TENM3: variants seen among roughly 807,000 people sequenced by gnomAD.
TENM3 encodes teneurin transmembrane protein 3, also known as teneurin-3.
Under a neutral mutation model 255.1 loss-of-function variants are expected in TENM3, and 63 were observed. That is an observed-to-expected ratio of 0.25 (90% CI 0.20 to 0.30). The LOEUF (loss-of-function observed/expected upper bound fraction) is 0.30. Among genes scored for constraint, TENM3 ranks in the 10% least tolerant of loss-of-function variants. The probability of loss-of-function intolerance (pLI) is 1.00; values close to 1 mark genes in which losing one functional copy is unlikely to be tolerated. For missense variants in TENM3, 2,929 were observed against 3,461.1 expected (o/e 0.85, Z 3.86); for synonymous variants, 1,306 against 1,322.3 (o/e 0.99, Z 0.27).
the TENM3 span, among the ~76,000 whole-genome samples, chr4:181,864,077 G>A: frequency 1.7e-4 from 26 of 152,230 alleles, no homozygotes; most frequent in African/African-American, 4.1e-4. Context: ...GTAATCAAAC[G>A]TCTTAGTGGA....
chr4:181,448,414 G>T, the TENM3 span, among the ~76,000 whole-genome samples: 6 of 151,610 alleles, frequency 4.0e-5, no homozygotes, highest in African/African-American at 7.3e-5. Context: ...CTCGTGATCC[G>T]CCCGCCTCGG....
At chr4:182,576,296 G>T (rs767397430) in intron 3 of TENM3, among the ~76,000 whole-genome samples, 6 of 152,158 alleles carry the variant, frequency 3.9e-5, no homozygotes, top group Non-Finnish European at 8.8e-5. Flanking sequence ...ATTTGTGTGA[G>T]AGACACACAT....
At position 182,328,459 on chromosome 4, in the gene TENM3, G is replaced by A. The variant is rs180993917; in HGVS notation, c.232+4207G>A. Among the ~76,000 whole-genome samples the A allele has an allele frequency of 4.0e-3, 605 of 152,024 alleles. 4 individuals carry two copies. The highest frequency in any genetic ancestry group is 0.014 in the African/African-American group (571 of 41,446). ...TCGAACTCCTGACCTCAGGTGATCC[G>A]CCCACCTCGGCCTCCCAAAGTGCTA... On this transcript the variant is annotated intron_variant, in intron 2 of 27. Coordinates refer to ENST00000511685, the MANE Select transcript of TENM3 (RefSeq NM_001080477.4).
the TENM3 span, among the ~76,000 whole-genome samples, chr4:182,021,591 A>C: frequency 6.6e-6 from 1 of 152,160 alleles, no homozygotes; most frequent in Non-Finnish European, 1.5e-5. Context: ...AAAATTTATA[A>C]AGATATATTT....
At chr4:182,787,666 C>T (rs1241418957) in intron 24 of TENM3, among the ~76,000 whole-genome samples, 1 of 135,320 alleles carries the variant, frequency 7.4e-6, no homozygotes, top group Non-Finnish European at 1.5e-5. Context: ...CCCCGGGAGG[C>T]GGAGGCTGCA....
At chr4:182,418,932 C>G (rs961391802) in intron 3 of TENM3, among the ~76,000 whole-genome samples, 1 of 152,126 alleles carries the variant, frequency 6.6e-6, no homozygotes, top group African/African-American at 2.4e-5. Flanking sequence ...CTCAACAGAC[C>G]TCAGATCTGC....
chr4:182,048,330 G>A, the TENM3 span, among the ~76,000 whole-genome samples: 1 of 152,074 alleles, frequency 6.6e-6, no homozygotes, highest in Non-Finnish European at 1.5e-5. Flanking sequence ...GGATTTCATA[G>A]ATTACTATCT....
the TENM3 span, among the ~76,000 whole-genome samples, chr4:181,965,841 C>T: frequency 6.6e-6 from 1 of 152,108 alleles, no homozygotes. Flanking sequence ...TATAGAGTGG[C>T]TCTGTGTGTT....
the TENM3 span, among the ~76,000 whole-genome samples, chr4:181,509,704 T>C: frequency 6.6e-6 from 1 of 152,108 alleles, no homozygotes; most frequent in Non-Finnish European, 1.5e-5. Flanking sequence ...AAGCAGTGCA[T>C]AGGGAGGAAG....
intron 13 of TENM3, 21 bp from the exon 14 acceptor site, chr4:182,728,944 G>T: frequency 6.2e-7 from 1 of 1,601,564 alleles, no homozygotes; most frequent in South Asian, 1.1e-5. Context: ...TTCTCTTACT[G>T]GGGAACATTT....
At chr4:182,629,764 T>G (rs1013008711) in intron 5 of TENM3, among the ~76,000 whole-genome samples, 1 of 152,184 alleles carries the variant, frequency 6.6e-6, no homozygotes, top group African/African-American at 2.4e-5. Context: ...TATAACTGAA[T>G]AAGAGTATTG....
At chr4:182,665,830 A>G (rs1408452164) in intron 6 of TENM3, among the ~76,000 whole-genome samples, 1 of 152,132 alleles carries the variant, frequency 6.6e-6, no homozygotes, top group Non-Finnish European at 1.5e-5. Flanking sequence ...CGGGAGGCGG[A>G]GGTTGCAGTG....
the TENM3 span, among the ~76,000 whole-genome samples, chr4:182,108,587 AT>A: frequency 2.6e-5 from 4 of 152,314 alleles, no homozygotes; most frequent in African/African-American, 9.6e-5. Flanking sequence ...AATGAGACCT[AT>A]TCCCTCCCTT....
intron 12 of TENM3, among the ~76,000 whole-genome samples, chr4:182,695,223 A>C (rs1479718237): frequency 2.0e-5 from 3 of 152,204 alleles, no homozygotes; most frequent in African/African-American, 7.2e-5. Flanking sequence ...ACCTTGCGCC[A>C]AACTACCAGC....
chr4:181,447,705 C>T, the TENM3 span, among the ~76,000 whole-genome samples: 2 of 152,162 alleles, frequency 1.3e-5, no homozygotes, highest in African/African-American at 2.4e-5. Context: ...AGGCACAACC[C>T]GCTGTGTTTG....
the TENM3 span, among the ~76,000 whole-genome samples, chr4:182,081,547 G>A: frequency 4.4e-5 from 6 of 135,262 alleles, no homozygotes; most frequent in South Asian, 1.4e-3. Context: ...TCATGCCACT[G>A]CACTCCAGCC....
chr4:181,577,893 A>G, the TENM3 span, among the ~76,000 whole-genome samples: 5 of 152,142 alleles, frequency 3.3e-5, no homozygotes, highest in Non-Finnish European at 7.3e-5. Flanking sequence ...TTTTGTCCCC[A>G]GAAATTTGTT....
the TENM3 span, among the ~76,000 whole-genome samples, chr4:181,870,207 C>T: frequency 2.0e-5 from 3 of 152,006 alleles, no homozygotes; most frequent in Admixed American, 2.0e-4. Flanking sequence ...GATTAATATG[C>T]CACAAATTTT....
chr4:182,346,269 C>T (rs776290694), intron 2 of TENM3, among the ~76,000 whole-genome samples: 1 of 152,088 alleles, frequency 6.6e-6, no homozygotes, highest in South Asian at 2.1e-4. Flanking sequence ...GTTGGGGACT[C>T]GAGCCAGGAC....
Sources: gnomAD v4.1 joint callset for allele counts (sites outside exome capture counted in the v4.1 genomes callset) on GRCh38, gnomAD v4.1.1 for gene constraint, MANE v1.5 for transcripts, NCBI Gene and HGNC (gene_info 2026-07-23, HGNC 2026-07-21) for gene names.